The following SYCP1 variants were observed in gnomAD, a reference collection of about 807,000 sequenced individuals.
The protein encoded by SYCP1 is cancer/testis antigen 8.
A neutral mutation model predicts 153.1 loss-of-function variants in SYCP1; 64 were observed. The ratio of observed to expected loss-of-function variants is 0.42; its 90% confidence interval spans 0.34 to 0.51. The LOEUF (loss-of-function observed/expected upper bound fraction) is 0.51, where lower values mean the gene tolerates loss of function less well. Among genes scored for constraint, SYCP1 ranks in the 20% least tolerant of loss-of-function variants. The probability of loss-of-function intolerance (pLI) is 0.06; values close to 1 mark genes in which losing one functional copy is unlikely to be tolerated. For synonymous variants in SYCP1, 384 were observed against 341.8 expected (o/e 1.12, Z -1.36); for missense variants, 997 against 1,049.0 (o/e 0.95, Z 0.68).
chr1:114,944,261 A>G, intron 23 of SYCP1, 78 bp from the exon 24 acceptor site: 1 of 846,864 alleles, frequency 1.2e-6, no homozygotes, highest in South Asian at 1.7e-5. Context: ...GATTCACAAA[A>G]CCACAAAATG....
chr1:114,910,340 AT>A, intron 16 of SYCP1, 56 bp from the exon 17 acceptor site: 1 of 1,243,434 alleles, frequency 8.0e-7, no homozygotes, highest in South Asian at 1.4e-5. Context: ...GGGCAGTTTG[AT>A]TACTTTCACT....
At chr1:114,917,724 T>C (rs1237109560) in intron 20 of SYCP1, among the ~76,000 whole-genome samples, 1 of 152,242 alleles carries the variant, frequency 6.6e-6, no homozygotes, top group African/African-American at 2.4e-5. Flanking sequence ...TGCATTTCTC[T>C]GATGATCAAT....
intron 8 of SYCP1, among the ~76,000 whole-genome samples, chr1:114,870,293 A>C (rs1024129016): frequency 6.6e-6 from 1 of 152,198 alleles, no homozygotes; most frequent in Non-Finnish European, 1.5e-5. Context: ...GATTACGGGC[A>C]TGAGCCACTG....
chr1:114,936,362 C>G (rs182908782), intron 23 of SYCP1, among the ~76,000 whole-genome samples: 1 of 152,120 alleles, frequency 6.6e-6, no homozygotes, highest in Non-Finnish European at 1.5e-5. Flanking sequence ...CCCCTTCATG[C>G]TAAAAACACT....
chr1:114,966,273 G>A (rs1252879367), intron 27 of SYCP1, among the ~76,000 whole-genome samples: 1 of 151,278 alleles, frequency 6.6e-6, no homozygotes, highest in Non-Finnish European at 1.5e-5. Context: ...TATCTATTTT[G>A]TTAATCTTTT....
intron 27 of SYCP1, among the ~76,000 whole-genome samples, chr1:114,972,583 T>G (rs11102856): frequency 0.73 from 111,198 of 151,942 alleles, 40,903 homozygotes; most frequent in Non-Finnish European, 0.76. Context: ...GCTGTATCCT[T>G]TAGATTTTGT....
chr1:114,911,299 T>A (rs1180632645), intron 17 of SYCP1, among the ~76,000 whole-genome samples, 180 bp from the exon 18 acceptor site: 1 of 152,060 alleles, frequency 6.6e-6, no homozygotes, highest in East Asian at 1.9e-4. Flanking sequence ...ATACTGAATA[T>A]GTCATTGTTC....
rs1202397476 is a variant in SYCP1, at chr1:114,995,038, G to C, written c.*19G>C. ...TGTTTAATTTCAGAGAATCAGTGTA[G>C]TTAAGGAGCCTAATAACGTGAAACT... On this transcript the variant is annotated 3_prime_UTR_variant, in exon 32 of 32. Transcript: ENST00000369522. 6.3e-7 allele frequency: 1 copy of C among 1,577,686 alleles called. No individual in the cohort carries two copies. The highest frequency in any genetic ancestry group is 1.2e-5 in the South Asian group (1 of 84,608).
chr1:114,926,243 G>T, intron 21 of SYCP1, 35 bp from the exon 22 acceptor site: 1 of 1,432,838 alleles, frequency 7.0e-7, no homozygotes, highest in South Asian at 1.6e-5. Flanking sequence ...CTGGTATACT[G>T]AATAAAATAG....
chr1:114,895,331 G>A, intron 15 of SYCP1, 117 bp from the exon 16 acceptor site: 1 of 510,566 alleles, frequency 2.0e-6, no homozygotes, highest in Middle Eastern at 3.0e-4. Flanking sequence ...CATTGCTCTA[G>A]TTGCATTTGT....
chr1:114,897,247 C>T (rs1667136371), intron 16 of SYCP1, among the ~76,000 whole-genome samples: 1 of 152,188 alleles, frequency 6.6e-6, no homozygotes, highest in African/African-American at 2.4e-5. Flanking sequence ...AGATCTCCCT[C>T]AGAGACATAT....
intron 27 of SYCP1, among the ~76,000 whole-genome samples, chr1:114,973,677 A>C (rs1294713964): frequency 6.6e-6 from 1 of 151,810 alleles, no homozygotes; most frequent in Admixed American, 6.6e-5. Flanking sequence ...GCCAGTTTTT[A>C]ACTACTTTTG....
intron 3 of SYCP1, among the ~76,000 whole-genome samples, chr1:114,856,921 C>CAAAAAAAAAAAAAAA (rs758650224): frequency 2.7e-5 from 1 of 37,292 alleles, no homozygotes; most frequent in African/African-American, 1.1e-4. Flanking sequence ...CCTGTCTGTA[C>CAAAAAAAAAAAAAAA]AAAAAAAAAA....
At chr1:114,962,449 G>A (rs955592922) in intron 27 of SYCP1, among the ~76,000 whole-genome samples, 4 of 152,162 alleles carry the variant, frequency 2.6e-5, no homozygotes, top group African/African-American at 9.7e-5. Context: ...TTGCTTTAAA[G>A]TCTGTTTTGT....
chr1:114,878,084 A>T lies in SYCP1; in HGVS notation c.802-10A>T, dbSNP rs372449301. On this transcript the variant is annotated splice_polypyrimidine_tract_variant and intron_variant, in intron 11 of 31. Coordinates refer to ENST00000369522, the MANE Select transcript of SYCP1 (RefSeq NM_003176.4). ...TTTCATATTGATAATGTATTATTTA[A>T]ATATTTTAGGTATCACTACTATTGA... The T allele has an allele frequency of 1.9e-5, 27 of 1,405,554 alleles. No homozygotes were observed. The African/African-American group carries it at 2.8e-4, about 14-fold the overall frequency. 87.1% of individuals were successfully genotyped at this position (1,405,554 alleles called of 1,614,324 possible).
At position 114,981,482 on chromosome 1, in the gene SYCP1, CA is replaced by C; in HGVS notation, c.2534del (p.Asn845IlefsTer13). 1.3e-6 allele frequency: 2 copies of C among 1,597,604 alleles called. No individual in the cohort carries two copies. The highest frequency in any genetic ancestry group is 1.8e-5 in the Admixed American group (1 of 55,808). On this transcript the variant is annotated frameshift_variant, in exon 29 of 32. Transcript: ENST00000369522. LOFTEE classifies it high-confidence loss of function. Reference sequence around the variant, plus strand: ...AAAGAGACTATCTGTGGACATCTGCCAAAAATACTTTATCTACACCATTGCC... The same window carrying C: ...AAAGAGACTATCTGTGGACATCTGCCAAAATACTTTATCTACACCATTGCC... ...DKRDYLWTSA[K>X]NTLSTPLPKA... is the part of the protein sequence containing the mutation.
At chr1:114,989,189 A>G (rs1673741268) in intron 30 of SYCP1, among the ~76,000 whole-genome samples, 1 of 151,820 alleles carries the variant, frequency 6.6e-6, no homozygotes, top group African/African-American at 2.4e-5. Flanking sequence ...CAAAAAACCA[A>G]AAAAAACCCC....
intron 27 of SYCP1, among the ~76,000 whole-genome samples, chr1:114,958,289 G>T (rs1012135446): frequency 2.0e-5 from 3 of 152,160 alleles, no homozygotes; most frequent in African/African-American, 7.2e-5. Context: ...GCTGGGAAGG[G>T]TAGTGGGGAG....
At chr1:114,860,953 A>C in intron 8 of SYCP1, 144 bp downstream of exon 8, 1 of 594,876 alleles carries the variant, frequency 1.7e-6, no homozygotes, top group Non-Finnish European at 2.8e-6. Flanking sequence ...TATATAAGTA[A>C]TAAGGAGAAT....
Sources: gnomAD v4.1 joint callset for allele counts (sites outside exome capture counted in the v4.1 genomes callset) on GRCh38, gnomAD v4.1.1 for gene constraint, MANE v1.5 for transcripts, NCBI Gene and HGNC (gene_info 2026-07-23, HGNC 2026-07-21) for gene names.